Variants in BMPR1A observed in about 807,000 individuals in gnomAD.
The protein encoded by BMPR1A is bone morphogenetic protein receptor type-1A.
A neutral mutation model predicts 66.0 loss-of-function variants in BMPR1A; 7 were observed. That is an observed-to-expected ratio of 0.11 (90% confidence interval 0.06 to 0.20). BMPR1A has a LOEUF of 0.20. BMPR1A is among the 10% of genes least tolerant of loss of function. The probability of loss-of-function intolerance (pLI) is 1.00; values close to 1 mark genes in which losing one functional copy is unlikely to be tolerated. For synonymous variants in BMPR1A, 200 were observed against 229.7 expected, an observed-to-expected ratio of 0.87 and a Z score of 1.17; for missense variants, 408 against 669.1, an observed-to-expected ratio of 0.61 and a Z score of 4.31.
intron 2 of BMPR1A, among the ~76,000 whole-genome samples, chr10:86,850,319 C>CAA (rs200883215): frequency 0.16 from 20,929 of 130,954 alleles, 2,391 homozygotes; most frequent in East Asian, 0.67. Flanking sequence ...GACTCCATTT[C>CAA]AAAAAAAAAA....
chr10:86,855,271 A>G (rs1842625371), intron 2 of BMPR1A: 5 of 1,099,876 alleles, frequency 4.5e-6, no homozygotes, highest in East Asian at 2.8e-5. Flanking sequence ...TGGCCATACA[A>G]AAACCTCAGT....
At chr10:86,758,471 G>C (rs942231960) in intron 1 of BMPR1A, among the ~76,000 whole-genome samples, 1 of 149,662 alleles carries the variant, frequency 6.7e-6, no homozygotes, top group Middle Eastern at 3.2e-3. Context: ...TTTCTCTGTC[G>C]TATTTGGGTT....
chr10:86,883,641 G>A (rs1021178047), intron 3 of BMPR1A, among the ~76,000 whole-genome samples: 9 of 150,932 alleles, frequency 6.0e-5, no homozygotes, highest in Admixed American at 2.0e-4. Context: ...CGTGGTGGCA[G>A]GCGCCTGTAT....
At chr10:86,805,377 T>TACGCACACACACACAC (rs1554880397) in intron 1 of BMPR1A, among the ~76,000 whole-genome samples, 24 of 143,058 alleles carry the variant, frequency 1.7e-4, no homozygotes, top group African/African-American at 5.7e-4. Context: ...CTCCTACCTG[T>TACGCACACACACACAC]ACACACACAC....
At chr10:86,889,272 A>C (rs989743703) in intron 3 of BMPR1A, among the ~76,000 whole-genome samples, 20 of 152,284 alleles carry the variant, frequency 1.3e-4, no homozygotes, top group African/African-American at 4.8e-4. Flanking sequence ...TATAACCTTC[A>C]GTTTCTGCCA....
intron 3 of BMPR1A, among the ~76,000 whole-genome samples, chr10:86,887,609 T>C (rs1354262305): frequency 1.3e-5 from 2 of 152,234 alleles, no homozygotes; most frequent in African/African-American, 2.4e-5. Context: ...TCTGTGCCCG[T>C]AACTGCGACT....
chr10:86,882,084 G>A (rs575306449), intron 3 of BMPR1A, among the ~76,000 whole-genome samples: 28 of 152,180 alleles, frequency 1.8e-4, no homozygotes, highest in Middle Eastern at 3.4e-3. Context: ...TTATATGAAA[G>A]GGGGAGGGAG....
chr10:86,791,683 T>TCCTTCCTCCCTCCCTCCCTC (rs1841622538), intron 1 of BMPR1A, among the ~76,000 whole-genome samples: 1 of 89,760 alleles, frequency 1.1e-5, no homozygotes, highest in Non-Finnish European at 2.1e-5. Context: ...CTTCTTTACT[T>TCCTTCCTCCCTCCCTCCCTC]CCTTCCTCCC....
At chr10:86,901,290 A>C (rs1241579602) in intron 7 of BMPR1A, among the ~76,000 whole-genome samples, 5 of 152,258 alleles carry the variant, frequency 3.3e-5, no homozygotes, top group Non-Finnish European at 7.3e-5. Context: ...CATGATCCAC[A>C]GAAACAGTGA....
At chr10:86,768,256 A>C (rs991765480) in intron 1 of BMPR1A, among the ~76,000 whole-genome samples, 3 of 152,204 alleles carry the variant, frequency 2.0e-5, no homozygotes, top group Non-Finnish European at 4.4e-5. Context: ...CTAAGAATAA[A>C]TATAAATATC....
chr10:86,870,181 T>A (rs1009829424), intron 2 of BMPR1A, among the ~76,000 whole-genome samples: 1 of 152,206 alleles, frequency 6.6e-6, no homozygotes, highest in African/African-American at 2.4e-5. Flanking sequence ...TACCGTTCTT[T>A]TAGCATAACC....
downstream of BMPR1A, chr10:86,929,800 G>T (rs2133665704): frequency 6.6e-6 from 1 of 152,184 alleles, no homozygotes; most frequent in East Asian, 1.9e-4. Context: ...CCATTCCAAG[G>T]TTTCTTTAAT....
chr10:86,795,105 C>A (rs888021687), intron 1 of BMPR1A, among the ~76,000 whole-genome samples: 17 of 151,970 alleles, frequency 1.1e-4, no homozygotes, highest in African/African-American at 4.1e-4. Flanking sequence ...CCTGCTTCTG[C>A]CTCCCAAAGT....
intron 8 of BMPR1A, among the ~76,000 whole-genome samples, chr10:86,916,608 AATT>A (rs531181334): frequency 2.3e-3 from 352 of 152,344 alleles, no homozygotes; most frequent in Non-Finnish European, 3.8e-3. Context: ...CTGGGAGGGT[AATT>A]ATTATGACCA....
rs372445350 is a variant in BMPR1A at position 86,925,630 on chromosome 10, C to T, written c.*1911C>T. 5.1e-6 allele frequency: 1 copy of T among 195,826 alleles called. No individual in the cohort carries two copies. Among genetic ancestry groups the T allele is most frequent in the Non-Finnish European group, 1.1e-5 (1 of 94,714 alleles). The allele number at this position is 195,826 out of a possible 1,614,324, so 12.1% of individuals were successfully genotyped here. On this transcript the variant is annotated 3_prime_UTR_variant, in exon 13 of 13. Transcript: ENST00000372037. ...ATACAAATATTTTAATCTGCGTTGC[C>T]GTATGATATGATTGCACTTAGAACA...
Position 86,890,084 on chromosome 10 carries a change from T to C in BMPR1A, c.90T>C (p.Leu30=), listed in dbSNP as rs1564714758. ...CAGGACAGAATCTGGATAGTATGCTTCATGGCACTGGGATGAAATCAGACT... is the reference window on the plus strand; with the variant it reads ...CAGGACAGAATCTGGATAGTATGCTCCATGGCACTGGGATGAAATCAGACT... ...RVQGQNLDSM[L]HGTGMKSDSD... The change falls in exon 4 of 13, where the codon CTT becomes CTC. Residue 30 remains leucine, a synonymous_variant. Coordinates refer to ENST00000372037, the MANE Select transcript of BMPR1A (RefSeq NM_004329.3). 6.2e-7 allele frequency: 1 copy of C among 1,613,340 alleles called. No individual in the cohort carries two copies. Among genetic ancestry groups the C allele is most frequent in the East Asian group, 2.2e-5 (1 of 44,868 alleles).
intron 1 of BMPR1A, among the ~76,000 whole-genome samples, chr10:86,780,291 CAGT>C (rs1183005694): frequency 2.0e-5 from 3 of 152,078 alleles, no homozygotes; most frequent in Non-Finnish European, 4.4e-5. Context: ...TTTTGCTGTG[CAGT>C]AGCTTTTTAG....
intron 1 of BMPR1A, among the ~76,000 whole-genome samples, chr10:86,797,101 G>A (rs1345539971): frequency 8.6e-6 from 1 of 116,556 alleles, no homozygotes; most frequent in African/African-American, 3.2e-5. Context: ...GTCTTGCTCT[G>A]TCGCCCAGGC....
intron 2 of BMPR1A, among the ~76,000 whole-genome samples, chr10:86,851,874 A>G (rs1279063732): frequency 6.6e-6 from 1 of 152,222 alleles, no homozygotes; most frequent in Non-Finnish European, 1.5e-5. Context: ...ATTTTATCGT[A>G]TGAAATGAGG....
Sources: allele counts gnomAD v4.1 joint callset (sites outside exome capture counted in the v4.1 genomes callset), GRCh38; gene constraint gnomAD v4.1.1; transcripts MANE v1.5; gene names NCBI Gene and HGNC (gene_info 2026-07-23, HGNC 2026-07-21).